Variants in TSPAN9 observed in about 807,000 individuals in gnomAD.
TSPAN9 encodes the protein tetraspanin 9, also known as tetraspanin-9.
TSPAN9 carries 16 observed loss-of-function variants against 31.0 expected under a neutral mutation model. The ratio of observed to expected loss-of-function variants is 0.52; its 90% CI spans 0.35 to 0.78. The LOEUF (loss-of-function observed/expected upper bound fraction) is 0.78. Ranked by LOEUF, TSPAN9 falls within the 30% of genes least tolerant of loss-of-function variation. The pLI, the probability that TSPAN9 is intolerant of heterozygous loss-of-function variation, is 0.01. For missense variants in TSPAN9, 272 were observed against 312.5 expected, an observed-to-expected ratio of 0.87 and a Z score of 0.98; for synonymous variants, 145 against 121.6, an observed-to-expected ratio of 1.19 and a Z score of -1.27.
chr12:3,217,658 G>A (rs890959381), intron 3 of TSPAN9, among the ~76,000 whole-genome samples: 6 of 152,146 alleles, frequency 3.9e-5, no homozygotes, highest in Admixed American at 1.3e-4. Flanking sequence ...ACCAGAACCC[G>A]CAGGGACTCA....
intron 2 of TSPAN9, chr12:3,171,699 A>C (rs1373477084): frequency 2.6e-5 from 4 of 152,202 alleles, no homozygotes; most frequent in Non-Finnish European, 5.9e-5. Flanking sequence ...ACTGCTATTG[A>C]CAGATGATTA....
intron 3 of TSPAN9, among the ~76,000 whole-genome samples, chr12:3,264,234 A>G (rs986132608): frequency 6.6e-6 from 1 of 151,928 alleles, no homozygotes; most frequent in Admixed American, 6.6e-5. Flanking sequence ...CCTGGGTCGA[A>G]TGGGGCACAG....
At chr12:3,105,764 ACG>A (rs1491173161) in intron 2 of TSPAN9, among the ~76,000 whole-genome samples, 2 of 74,284 alleles carry the variant, frequency 2.7e-5, no homozygotes, top group African/African-American at 6.5e-5. Flanking sequence ...ACACGCACAC[ACG>A]CGCACGCACA....
At chr12:3,237,831 C>G (rs1352448545) in intron 3 of TSPAN9, among the ~76,000 whole-genome samples, 3 of 152,194 alleles carry the variant, frequency 2.0e-5, no homozygotes, top group Non-Finnish European at 4.4e-5. Flanking sequence ...CAGCTGCTGC[C>G]TGCTGCGAAA....
chr12:3,081,844 G>GTGTGTATATATATATA (rs57812985), intron 1 of TSPAN9, among the ~76,000 whole-genome samples: 145 of 116,766 alleles, frequency 1.2e-3, no homozygotes, highest in African/African-American at 2.4e-3. Flanking sequence ...GTCTGTGTGT[G>GTGTGTATATATATATA]TATATATATG....
rs141224732 is a variant in TSPAN9 at position 3,129,548 on chromosome 12, A to G, written c.-18+45829A>G. ...TTGCATCCTAATTCCACCACACACAAGCTCGTCATCACATGTATCCCTTAA... is the reference window on the plus strand; with the variant it reads ...TTGCATCCTAATTCCACCACACACAGGCTCGTCATCACATGTATCCCTTAA... On this transcript the variant is annotated intron_variant, in intron 2 of 8. Coordinates refer to ENST00000011898, the MANE Select transcript of TSPAN9 (RefSeq NM_006675.5). 1.1e-4 allele frequency among the ~76,000 whole-genome samples: 16 copies of G among 152,272 alleles called. No individual in the cohort carries two copies. The East Asian group carries it at 2.5e-3, about 24-fold the overall frequency.
At chr12:3,084,999 C>G (rs1024148620) in intron 2 of TSPAN9, among the ~76,000 whole-genome samples, 2 of 152,196 alleles carry the variant, frequency 1.3e-5, no homozygotes, top group Non-Finnish European at 2.9e-5. Flanking sequence ...ATTCTTGCAG[C>G]TCTGGGATTT....
intron 2 of TSPAN9, among the ~76,000 whole-genome samples, chr12:3,176,092 C>T (rs763566578): frequency 3.3e-5 from 5 of 152,252 alleles, no homozygotes; most frequent in African/African-American, 4.8e-5. Context: ...GGCTCTCACG[C>T]GCTTCTGTTC....
intron 2 of TSPAN9, among the ~76,000 whole-genome samples, chr12:3,160,832 T>C (rs2098344736): frequency 6.6e-6 from 1 of 152,256 alleles, no homozygotes; most frequent in Admixed American, 6.5e-5. Flanking sequence ...CATATTCTGG[T>C]TATAAGCCCC....
intron 3 of TSPAN9, among the ~76,000 whole-genome samples, chr12:3,271,560 G>A (rs79068507): frequency 7.2e-6 from 1 of 139,180 alleles, no homozygotes; most frequent in African/African-American, 2.9e-5. Context: ...AAAAAAAAAA[G>A]AAGAATGGAG....
chr12:3,247,299 GC>G lies in TSPAN9; in HGVS notation c.64-31109del, dbSNP rs61516990. 9.6e-4 allele frequency among the ~76,000 whole-genome samples: 36 copies of G among 37,462 alleles called. 3 individuals are homozygous for G. The highest frequency in any genetic ancestry group is 2.2e-3 in the African/African-American group (35 of 16,032). 24.6% of individuals were successfully genotyped at this position (37,462 alleles called of 152,430 possible). A position where few individuals can be genotyped will look rare whatever the true frequency, so the allele number is the denominator to read the frequency against. On this transcript the variant is annotated intron_variant, in intron 3 of 8. Transcript: ENST00000011898. ...TGTGGCTGATGAGCATTACTGGCCA[GC>G]CCCCCCCCCCCCGCCACCCGCGTCC...
intron 3 of TSPAN9, among the ~76,000 whole-genome samples, chr12:3,244,309 T>C (rs2098398178): frequency 6.6e-6 from 1 of 152,130 alleles, no homozygotes; most frequent in South Asian, 2.1e-4. Flanking sequence ...ACTTCCCTTC[T>C]TTTTCTGGAC....
chr12:3,099,916 ACTGCAAGCT>A (rs2098311015), intron 2 of TSPAN9, among the ~76,000 whole-genome samples: 1 of 143,876 alleles, frequency 7.0e-6, no homozygotes, highest in Non-Finnish European at 1.5e-5. Flanking sequence ...ATCTCAGCTC[ACTGCAAGCT>A]CTGCCTCCCG....
intron 2 of TSPAN9, among the ~76,000 whole-genome samples, chr12:3,120,847 C>T (rs1013875848): frequency 9.2e-5 from 14 of 152,250 alleles, no homozygotes; most frequent in African/African-American, 3.4e-4. Flanking sequence ...ACAGCACTTC[C>T]CTTGGGGGAG....
At chr12:3,193,709 C>T (rs1407617339) in intron 2 of TSPAN9, among the ~76,000 whole-genome samples, 3 of 152,216 alleles carry the variant, frequency 2.0e-5, no homozygotes, top group Non-Finnish European at 4.4e-5. Context: ...TCCGTGGAGC[C>T]CCTCCAAGAG....
intron 3 of TSPAN9, among the ~76,000 whole-genome samples, chr12:3,206,618 A>G (rs2098375371): frequency 6.6e-6 from 1 of 152,040 alleles, no homozygotes; most frequent in Admixed American, 6.5e-5. Context: ...TTAGTTTGAA[A>G]AAAAGAATCA....
At chr12:3,194,637 T>C (rs1308728735) in intron 2 of TSPAN9, among the ~76,000 whole-genome samples, 1 of 152,218 alleles carries the variant, frequency 6.6e-6, no homozygotes, top group African/African-American at 2.4e-5. Context: ...TTCACCTGCC[T>C]TGGCCTCTCA....
chr12:3,222,880 A>G (rs943897956), intron 3 of TSPAN9, among the ~76,000 whole-genome samples: 9 of 151,308 alleles, frequency 5.9e-5, no homozygotes, highest in African/African-American at 1.7e-4. Flanking sequence ...GGTTTGTCCT[A>G]TGGCGGAGAT....
intron 3 of TSPAN9, among the ~76,000 whole-genome samples, chr12:3,213,902 C>T (rs1179953686): frequency 6.6e-6 from 1 of 152,240 alleles, no homozygotes; most frequent in Non-Finnish European, 1.5e-5. Context: ...CCTGGCCATG[C>T]ATCCTGCATT....
Sources: gnomAD v4.1 joint callset for allele counts (sites outside exome capture counted in the v4.1 genomes callset) on GRCh38, gnomAD v4.1.1 for gene constraint, MANE v1.5 for transcripts, NCBI Gene and HGNC (gene_info 2026-07-23, HGNC 2026-07-21) for gene names.